RCC1: variants seen among roughly 807,000 people sequenced by gnomAD.
The protein encoded by RCC1 is regulator of chromosome condensation 1, also known as regulator of chromosome condensation.
In RCC1, 11 loss-of-function variants were observed where a neutral mutation model predicts 44.4. That is an observed-to-expected ratio of 0.25 (90% CI 0.16 to 0.41). RCC1 has a LOEUF of 0.41. RCC1 is among the 10% of genes least tolerant of loss of function. The probability of loss-of-function intolerance (pLI) is 1.00; values close to 1 mark genes in which losing one functional copy is unlikely to be tolerated. For synonymous variants in RCC1, 213 were observed against 216.5 expected (o/e 0.98, Z 0.14); for missense variants, 386 against 547.1 (o/e 0.71, Z 2.94).
At chr1:28,507,514 C>T (rs1393279866) in intron 1 of RCC1, 2 of 518,864 alleles carry the variant, frequency 3.9e-6, no homozygotes, top group Admixed American at 3.9e-5. Context: ...CATATTCCTA[C>T]AGCTTCCCAG....
Position 28,517,128 on chromosome 1 carries a change from A to T in RCC1, c.-10+261A>T, listed in dbSNP as rs546490734. On this transcript the variant is annotated intron_variant, in intron 4 of 12. Coordinates refer to ENST00000683442, the MANE Select transcript of RCC1 (RefSeq NM_001381865.2). ...AAGAGCAAGACTCGATCTCAAAAAA[A>T]AAAAAAGTTCAGTTCAGTTGGTAAG... Among the ~76,000 whole-genome samples, 162 of 152,232 alleles carry T rather than the reference A, an allele frequency of 1.1e-3. 1 individual carries two copies. Among genetic ancestry groups the T allele is most frequent in the African/African-American group, 3.7e-3 (154 of 41,554 alleles).
intron 3 of RCC1, among the ~76,000 whole-genome samples, chr1:28,513,909 T>C (rs1662708113): frequency 6.6e-6 from 1 of 151,970 alleles, no homozygotes; most frequent in South Asian, 2.1e-4. Flanking sequence ...TAACTTACAA[T>C]AGTCCACATT....
rs76639906 is a variant in RCC1 at position 28,508,914 on chromosome 1, A to C, written c.-153+9A>C. 5.2e-5 allele frequency: 23 copies of C among 442,144 alleles called. No homozygotes were observed. The East Asian group carries it at 1.3e-3, about 25-fold the overall frequency. 27.4% of individuals were successfully genotyped at this position (442,144 alleles called of 1,614,324 possible). A position where few individuals can be genotyped will look rare whatever the true frequency, so the allele number is the denominator to read the frequency against. On this transcript the variant is annotated intron_variant, in intron 3 of 12. Coordinates refer to ENST00000683442, the MANE Select transcript of RCC1 (RefSeq NM_001381865.2). ...TATAGAAGGGAGAGTAGGTAAACTG[A>C]TTTTTTTTTTTAACAGGGAGGGTTT... is the stretch of plus-strand genomic sequence containing the variant.
At chr1:28,523,028 T>TA (rs1491151459) in intron 4 of RCC1, among the ~76,000 whole-genome samples, 1 of 55,906 alleles carries the variant, frequency 1.8e-5, no homozygotes, top group Non-Finnish European at 3.9e-5. Flanking sequence ...AAGAAATTTC[T>TA]TTTTTTTTTT....
At position 28,516,869 on chromosome 1, in the gene RCC1, TAAG is replaced by T. The variant is rs757904455; in HGVS notation, c.-10+5_-10+7del. The T allele has an allele frequency of 8.8e-6, 4 of 456,046 alleles. No homozygotes were observed. The highest frequency in any genetic ancestry group is 1.8e-5 in the Non-Finnish European group (4 of 226,796). 28.2% of individuals were successfully genotyped at this position (456,046 alleles called of 1,614,324 possible). A position where few individuals can be genotyped will look rare whatever the true frequency, so the allele number is the denominator to read the frequency against. On this transcript the variant is annotated splice_donor_5th_base_variant and intron_variant, in intron 4 of 12. Coordinates refer to ENST00000683442, the MANE Select transcript of RCC1 (RefSeq NM_001381865.2). ...GGAGGCAGAGGTAAACTTGGAGAGGTAAGAAACCCTGAAGACAGGGGAGTGCTT... is the reference window on the plus strand; with the variant it reads ...GGAGGCAGAGGTAAACTTGGAGAGGTAAACCCTGAAGACAGGGGAGTGCTT...
intron 5 of RCC1, among the ~76,000 whole-genome samples, chr1:28,530,314 C>T (rs1337123308): frequency 6.6e-6 from 1 of 152,254 alleles, no homozygotes; most frequent in Non-Finnish European, 1.5e-5. Flanking sequence ...GGATTATCAA[C>T]TTCTTAAAAT....
At position 28,536,457 on chromosome 1, in the gene RCC1, A is replaced by G. The variant is rs1157587304; in HGVS notation, c.937+76A>G. 4.5e-6 allele frequency: 7 copies of G among 1,543,452 alleles called. No homozygotes were observed. Among genetic ancestry groups the G allele is most frequent in the Admixed American group, 1.9e-5 (1 of 52,706 alleles). On this transcript the variant is annotated intron_variant, in intron 11 of 12. Transcript: ENST00000683442. The surrounding 1 kb of genome is among the most constrained non-coding windows in gnomAD (Gnocchi z 4.9). Reference sequence around the variant, plus strand: ...TAGGCCTAGCCAGATTCCTGAGACCATGGTCCTTGGAGCCTGGGTCTGTTC... The same window carrying G: ...TAGGCCTAGCCAGATTCCTGAGACCGTGGTCCTTGGAGCCTGGGTCTGTTC...
chr1:28,530,820 G>C (rs1393238309), intron 5 of RCC1, among the ~76,000 whole-genome samples: 1 of 152,184 alleles, frequency 6.6e-6, no homozygotes, highest in Non-Finnish European at 1.5e-5. Flanking sequence ...CTCTCCACTG[G>C]ATGGTGGAGG....
At position 28,530,487 on chromosome 1, in the gene RCC1, G is replaced by T. The variant is rs778489251; in HGVS notation, c.73+548G>T. Reference sequence around the variant, plus strand: ...CCAGCACCAAACTGGGAGGGGAAGTGTGGACCCACGCTCAGACAGTGTCTG... The same window carrying T: ...CCAGCACCAAACTGGGAGGGGAAGTTTGGACCCACGCTCAGACAGTGTCTG... On this transcript the variant is annotated intron_variant, in intron 5 of 12. Transcript: ENST00000683442. The T allele has an allele frequency of 8.3e-6, 13 of 1,570,782 alleles. No individual in the cohort carries two copies. In the East Asian group the frequency reaches 2.9e-4, roughly 36 times the overall value.
chr1:28,529,430 C>T (rs978544824), intron 4 of RCC1, among the ~76,000 whole-genome samples: 1 of 151,968 alleles, frequency 6.6e-6, no homozygotes, highest in South Asian at 2.1e-4. Flanking sequence ...GTAATCCGCC[C>T]GCCCCGGCCT....
At chr1:28,532,375 A>G (rs758429317) in intron 7 of RCC1, 25 bp downstream of exon 7, 6 of 1,612,436 alleles carry the variant, frequency 3.7e-6, no homozygotes, top group South Asian at 1.1e-5. Flanking sequence ...GAAAGTCTGC[A>G]TGGTCCCTGA....
chr1:28,535,796 G>T, intron 9 of RCC1, 75 bp from the exon 10 acceptor site: 70 of 1,504,710 alleles, frequency 4.7e-5, no homozygotes, highest in Non-Finnish European at 6.1e-5. Context: ...TATAATGGAG[G>T]AGAATTAAAC....
At chr1:28,526,091 C>T (rs1663641069) in intron 4 of RCC1, among the ~76,000 whole-genome samples, 1 of 152,032 alleles carries the variant, frequency 6.6e-6, no homozygotes, top group Non-Finnish European at 1.5e-5. Flanking sequence ...TCTAGACCAG[C>T]CTGGGCAACT....
chr1:28,536,180 A>C lies in RCC1; in HGVS notation c.818-82A>C, dbSNP rs1227505415. On this transcript the variant is annotated intron_variant, in intron 10 of 12. Coordinates refer to ENST00000683442, the MANE Select transcript of RCC1 (RefSeq NM_001381865.2). This position sits in a 1 kb window ranked among gnomAD's most constrained non-coding sequence, Gnocchi z 4.9. ...GTGAGAATGTCCATATCCTGATGGG[A>C]GGTGGCCTCACTGTGGGAGGAGATT... 2 of 1,571,210 alleles carry C rather than the reference A, an allele frequency of 1.3e-6. No homozygotes were observed. Among genetic ancestry groups the C allele is most frequent in the East Asian group, 2.2e-5 (1 of 44,670 alleles).
rs564299120 is a variant in RCC1 at position 28,519,563 on chromosome 1, G to A, written c.-10+2696G>A. Among the ~76,000 whole-genome samples, 5 of 151,298 alleles carry A rather than the reference G, an allele frequency of 3.3e-5. No homozygotes were observed. In the South Asian group the frequency reaches 1.0e-3, roughly 31 times the overall value. ...AGCAATGGTAGGGGGCATGTGGTGA[G>A]GATATAATTTTTTTTTTTTTGAGAC... On this transcript the variant is annotated intron_variant, in intron 4 of 12. Transcript: ENST00000683442.
intron 1 of RCC1, chr1:28,507,143 T>G: frequency 3.6e-6 from 1 of 276,264 alleles, no homozygotes; most frequent in Non-Finnish European, 7.3e-6. Flanking sequence ...CTAATTGTTG[T>G]CTTTGCTTCT....
At chr1:28,535,422 C>A in intron 9 of RCC1, 42 bp downstream of exon 9, 1 of 1,609,834 alleles carries the variant, frequency 6.2e-7, no homozygotes, top group Non-Finnish European at 8.5e-7. Flanking sequence ...ATTGGCAGGC[C>A]ACCCCCACAG....
intron 7 of RCC1, among the ~76,000 whole-genome samples, chr1:28,533,845 C>CTTTTTTTTTTTTTCTTTTTT (rs1664357634): frequency 2.1e-5 from 1 of 46,870 alleles, no homozygotes; most frequent in Non-Finnish European, 3.7e-5. Flanking sequence ...CTTTTCTTTT[C>CTTTTTTTTTTTTTCTTTTTT]TTTTTTTTTT....
intron 5 of RCC1, 25 bp from the exon 6 acceptor site, chr1:28,531,778 A>G: frequency 6.7e-7 from 1 of 1,500,524 alleles, no homozygotes; most frequent in Non-Finnish European, 8.9e-7. Flanking sequence ...CTCTACACTC[A>G]GGGTCTATCT....
Sources: gnomAD v4.1 joint callset for allele counts (sites outside exome capture counted in the v4.1 genomes callset) on GRCh38, gnomAD v4.1.1 for gene constraint, Gnocchi (gnomAD v3.1) non-coding constraint, MANE v1.5 for transcripts, NCBI Gene and HGNC (gene_info 2026-07-23, HGNC 2026-07-21) for gene names.